Variants in DLG2 observed in about 807,000 individuals in gnomAD.
DLG2 encodes the protein disks large homolog 2.
DLG2 carries 45 observed loss-of-function variants against 132.5 expected under a neutral mutation model. That is an observed-to-expected ratio of 0.34 (90% CI 0.27 to 0.44). DLG2 has a LOEUF of 0.44. DLG2 is among the 20% of genes least tolerant of loss of function. DLG2 has a pLI of 1.00. For missense variants in DLG2, 1,045 were observed against 1,196.9 expected (o/e 0.87, Z 1.87); for synonymous variants, 424 against 419.6 (o/e 1.01, Z -0.13).
At chr11:84,613,419 A>G (rs2099598794) in intron 6 of DLG2, among the ~76,000 whole-genome samples, 1 of 151,506 alleles carries the variant, frequency 6.6e-6, no homozygotes, top group African/African-American at 2.4e-5. Context: ...AGAATTGCTG[A>G]CTCTTCTATG....
chr11:84,923,047 G>T (rs1458938701), intron 6 of DLG2: 1 of 1,613,738 alleles, frequency 6.2e-7, no homozygotes, highest in Non-Finnish European at 8.5e-7. Flanking sequence ...CATGTATATT[G>T]TGCCCAGTTG....
chr11:85,002,277 T>C (rs1018476746), intron 6 of DLG2, among the ~76,000 whole-genome samples: 3 of 152,168 alleles, frequency 2.0e-5, no homozygotes, highest in African/African-American at 4.8e-5. Flanking sequence ...GTTGCTAGTC[T>C]GTGGGAAAGA....
intron 3 of DLG2, among the ~76,000 whole-genome samples, chr11:85,391,328 A>G (rs534122641): frequency 6.6e-6 from 1 of 152,240 alleles, no homozygotes; most frequent in East Asian, 1.9e-4. Context: ...ATAGTCCAGG[A>G]CCAGATGGAC....
intron 7 of DLG2, among the ~76,000 whole-genome samples, chr11:84,414,453 T>C (rs2098921679): frequency 1.3e-5 from 2 of 152,168 alleles, no homozygotes; most frequent in South Asian, 4.1e-4. Flanking sequence ...AGGGATTCAA[T>C]CCACAAACTG....
chr11:84,633,614 T>A (rs543750026), intron 6 of DLG2, among the ~76,000 whole-genome samples: 17 of 146,050 alleles, frequency 1.2e-4, no homozygotes, highest in African/African-American at 3.0e-4. Context: ...TATGACTATT[T>A]AAAAAAAAAA....
chr11:85,427,995 G>C (rs989323662), intron 3 of DLG2, among the ~76,000 whole-genome samples: 8 of 151,932 alleles, frequency 5.3e-5, no homozygotes, highest in African/African-American at 1.7e-4. Context: ...TGATAAAACA[G>C]ACTTTAAACC....
chr11:85,420,939 G>T (rs2090252103), intron 3 of DLG2, among the ~76,000 whole-genome samples: 1 of 152,164 alleles, frequency 6.6e-6, no homozygotes, highest in East Asian at 1.9e-4. Flanking sequence ...TTCCAGAAGA[G>T]TGAACAGTTG....
chr11:83,928,354 A>C (rs1262890791), intron 15 of DLG2, among the ~76,000 whole-genome samples: 2 of 152,122 alleles, frequency 1.3e-5, no homozygotes, highest in African/African-American at 4.8e-5. Context: ...GCTGAAAAGA[A>C]TCATATCTGG....
chr11:84,527,973 T>C (rs1265463035), intron 7 of DLG2, among the ~76,000 whole-genome samples: 1 of 150,392 alleles, frequency 6.6e-6, no homozygotes, highest in Non-Finnish European at 1.5e-5. Flanking sequence ...TGGTAGGTGC[T>C]TGGGCCCCAT....
At chr11:85,060,981 G>A (rs940788137) in intron 6 of DLG2, among the ~76,000 whole-genome samples, 4 of 151,528 alleles carry the variant, frequency 2.6e-5, no homozygotes, top group African/African-American at 9.7e-5. Context: ...GCATTTCGCT[G>A]ATGGTTAGTG....
intron 3 of DLG2, among the ~76,000 whole-genome samples, chr11:85,478,224 G>C (rs935312875): frequency 6.6e-6 from 1 of 151,998 alleles, no homozygotes; most frequent in Non-Finnish European, 1.5e-5. Context: ...GTCTCACTAT[G>C]TTGCCCAGGC....
intron 7 of DLG2, among the ~76,000 whole-genome samples, chr11:84,428,361 A>G (rs1422990288): frequency 1.3e-5 from 2 of 152,186 alleles, no homozygotes; most frequent in Non-Finnish European, 2.9e-5. Flanking sequence ...ATCATCATAT[A>G]TATCTACAAT....
At chr11:85,485,213 G>A (rs1211687977) in intron 3 of DLG2, among the ~76,000 whole-genome samples, 1 of 151,922 alleles carries the variant, frequency 6.6e-6, no homozygotes, top group Admixed American at 6.6e-5. Context: ...GGGGTGGGGA[G>A]AGGGGGGAGG....
At chr11:84,502,263 C>CT (rs1567804699) in intron 7 of DLG2, among the ~76,000 whole-genome samples, 1 of 28,980 alleles carries the variant, frequency 3.5e-5, no homozygotes, top group South Asian at 1.9e-3. Context: ...TCCTTCCTTC[C>CT]TTCCTTCCTT....
intron 7 of DLG2, among the ~76,000 whole-genome samples, chr11:84,341,627 A>G (rs190252593): frequency 6.6e-6 from 1 of 152,362 alleles, no homozygotes; most frequent in East Asian, 1.9e-4. Context: ...ACTGCATAAC[A>G]AGACAATGCT....
chr11:85,377,135 T>C (rs2152925237), intron 3 of DLG2, among the ~76,000 whole-genome samples: 1 of 152,300 alleles, frequency 6.6e-6, no homozygotes, highest in South Asian at 2.1e-4. Context: ...TCCTGATTCT[T>C]AACAATTCAA....
At chr11:83,504,645 ACTAT>A (rs1391512538) in intron 21 of DLG2, among the ~76,000 whole-genome samples, 1 of 152,142 alleles carries the variant, frequency 6.6e-6, no homozygotes, top group Non-Finnish European at 1.5e-5. Flanking sequence ...AGGCCAGCAG[ACTAT>A]CTAGGCCAGC....
chr11:84,023,036 T>C (rs1186610356), intron 11 of DLG2, among the ~76,000 whole-genome samples: 1 of 152,166 alleles, frequency 6.6e-6, no homozygotes, highest in African/African-American at 2.4e-5. Context: ...GATTTATCTT[T>C]ATTTTTCTCT....
intron 6 of DLG2, among the ~76,000 whole-genome samples, chr11:84,560,555 A>T (rs2099424997): frequency 6.6e-6 from 1 of 152,116 alleles, no homozygotes; most frequent in African/African-American, 2.4e-5. Context: ...TCTATAAGAC[A>T]TGGCAGATTT....
Sources: gnomAD v4.1 joint callset for allele counts (sites outside exome capture counted in the v4.1 genomes callset) on GRCh38, gnomAD v4.1.1 for gene constraint, MANE v1.5 for transcripts, NCBI Gene and HGNC (gene_info 2026-07-23, HGNC 2026-07-21) for gene names.